Variants in SHANK2 observed in about 807,000 individuals in gnomAD.
SHANK2 encodes SH3 and multiple ankyrin repeat domains 2.
In SHANK2, 43 loss-of-function variants were observed where a neutral mutation model predicts 133.7. The observed-to-expected ratio is 0.32, with a 90% CI of 0.25 to 0.41. The LOEUF (loss-of-function observed/expected upper bound fraction) is 0.41, where lower values mean the gene tolerates loss of function less well. Ranked by LOEUF, SHANK2 falls within the 10% of genes least tolerant of loss-of-function variation. SHANK2 has a pLI of 1.00. For synonymous variants in SHANK2, 1,017 were observed against 952.8 expected, an observed-to-expected ratio of 1.07 and a Z score of -1.24; for missense variants, 1,994 against 2,235.8, an observed-to-expected ratio of 0.89 and a Z score of 2.18.
chr11:70,559,384 CAG>C (rs1240588308), intron 17 of SHANK2, among the ~76,000 whole-genome samples: 4 of 152,286 alleles, frequency 2.6e-5, no homozygotes, highest in East Asian at 1.9e-4. Context: ...AGAGAGCGTT[CAG>C]AGAGTTTCCA....
rs183054831 is a variant in SHANK2 at position 71,163,681 on chromosome 11, G to A, written c.-12-16343C>T. Among the ~76,000 whole-genome samples, 35 of 152,326 alleles carry A rather than the reference G, an allele frequency of 2.3e-4. No homozygotes were observed. The East Asian group carries it at 6.4e-3, about 28-fold the overall frequency. ...AATCCAAATTCAAGATTCTCCAGAC[G>A]ATTTTCAAAAGATAGTTTGCTTGTG... On this transcript the variant is annotated intron_variant, in intron 2 of 25. Coordinates refer to ENST00000601538, the MANE Select transcript of SHANK2 (RefSeq NM_012309.5).
At chr11:70,679,428 G>A (rs1272497178) in intron 15 of SHANK2, among the ~76,000 whole-genome samples, 10 of 152,236 alleles carry the variant, frequency 6.6e-5, no homozygotes. Context: ...CCATCAGGGA[G>A]GTGGGAGATC....
intron 9 of SHANK2, among the ~76,000 whole-genome samples, chr11:71,065,721 T>TGGC (rs1951045021): frequency 2.0e-5 from 1 of 49,816 alleles, no homozygotes; most frequent in African/African-American, 8.3e-5. Flanking sequence ...GTGGGGAAGT[T>TGGC]GGGGGTGGTA....
chr11:70,879,478 T>C (rs1249514514), intron 11 of SHANK2, among the ~76,000 whole-genome samples: 1 of 152,196 alleles, frequency 6.6e-6, no homozygotes, highest in African/African-American at 2.4e-5. Flanking sequence ...GGTTGTTATC[T>C]GTGGTGGCTT....
intron 11 of SHANK2, among the ~76,000 whole-genome samples, chr11:70,867,916 C>G (rs139038808): frequency 7.9e-5 from 12 of 152,344 alleles, no homozygotes; most frequent in African/African-American, 2.9e-4. Flanking sequence ...ACTTCATGTA[C>G]TGACAGTGTG....
chr11:70,575,522 A>AAAC (rs1462848116), intron 17 of SHANK2, among the ~76,000 whole-genome samples: 1 of 151,742 alleles, frequency 6.6e-6, no homozygotes, highest in African/African-American at 2.4e-5. Flanking sequence ...CTGCCTCAAA[A>AAAC]AAAAAAGAAA....
At chr11:70,840,376 C>T (rs1948884747) in intron 11 of SHANK2, among the ~76,000 whole-genome samples, 1 of 152,162 alleles carries the variant, frequency 6.6e-6, no homozygotes, top group African/African-American at 2.4e-5. Flanking sequence ...GCTGGGAGTC[C>T]CAGCTCCCTG....
intron 10 of SHANK2, chr11:70,952,922 G>A (rs546468270): frequency 3.5e-4 from 80 of 225,588 alleles, no homozygotes; most frequent in African/African-American, 1.5e-3. Context: ...AGCTGACCCC[G>A]AGGTGTCATC....
At chr11:71,081,510 A>T (rs1008435142) in intron 8 of SHANK2, among the ~76,000 whole-genome samples, 40 of 152,230 alleles carry the variant, frequency 2.6e-4, no homozygotes, top group Non-Finnish European at 4.9e-4. Flanking sequence ...GGTCTCTTAA[A>T]GATGTCACCT....
At chr11:71,098,998 G>A (rs1473136524) in intron 6 of SHANK2, among the ~76,000 whole-genome samples, 1 of 152,150 alleles carries the variant, frequency 6.6e-6, no homozygotes, top group East Asian at 1.9e-4. Context: ...CACACCAACA[G>A]GACGGGCCCT....
At chr11:70,939,617 C>A (rs903076878) in intron 10 of SHANK2, among the ~76,000 whole-genome samples, 8 of 152,198 alleles carry the variant, frequency 5.3e-5, no homozygotes, top group Admixed American at 1.3e-4. Flanking sequence ...AGCTCAACAA[C>A]TTTGGGATTT....
At chr11:70,947,267 CCAT>C (rs1221836014) in intron 10 of SHANK2, among the ~76,000 whole-genome samples, 1 of 151,678 alleles carries the variant, frequency 6.6e-6, no homozygotes, top group Non-Finnish European at 1.5e-5. Flanking sequence ...GACTAAGAAC[CCAT>C]CAACTTCCAG....
chr11:70,801,514 G>A (rs990737501), intron 13 of SHANK2, among the ~76,000 whole-genome samples: 2 of 152,210 alleles, frequency 1.3e-5, no homozygotes, highest in Non-Finnish European at 2.9e-5. Context: ...CTGCGTCCAG[G>A]TAGGAATGAG....
chr11:70,559,924 C>A (rs868969268), intron 17 of SHANK2, among the ~76,000 whole-genome samples: 3 of 151,976 alleles, frequency 2.0e-5, no homozygotes, highest in Admixed American at 6.6e-5. Context: ...CAGGCTGGAG[C>A]ACAGTGGCGT....
intron 17 of SHANK2, among the ~76,000 whole-genome samples, chr11:70,620,965 T>C (rs1554997575): frequency 6.6e-6 from 1 of 152,192 alleles, no homozygotes; most frequent in Non-Finnish European, 1.5e-5. Context: ...CCAAACTGAA[T>C]AAGACATGTG....
chr11:70,814,693 C>T (rs1418528133), intron 12 of SHANK2, among the ~76,000 whole-genome samples: 2 of 152,256 alleles, frequency 1.3e-5, no homozygotes, highest in Non-Finnish European at 2.9e-5. Flanking sequence ...GTGGGTGCCG[C>T]TCTTTCATGC....
chr11:70,554,622 C>T (rs1554979076), intron 17 of SHANK2, among the ~76,000 whole-genome samples: 1 of 151,976 alleles, frequency 6.6e-6, no homozygotes. Flanking sequence ...AATTAATGAA[C>T]CGATACTGAC....
chr11:70,723,254 T>C (rs1410964457), intron 14 of SHANK2, among the ~76,000 whole-genome samples: 3 of 151,966 alleles, frequency 2.0e-5, no homozygotes, highest in Admixed American at 6.6e-5. Context: ...ATTATAGGAT[T>C]ATACGATTAT....
intron 14 of SHANK2, among the ~76,000 whole-genome samples, chr11:70,740,959 G>T (rs1946510811): frequency 1.3e-5 from 2 of 152,120 alleles, no homozygotes; most frequent in South Asian, 4.1e-4. Flanking sequence ...GACTGAGACT[G>T]ATTTGATGGG....
Sources: gnomAD v4.1 joint callset for allele counts (sites outside exome capture counted in the v4.1 genomes callset) on GRCh38, gnomAD v4.1.1 for gene constraint, MANE v1.5 for transcripts, NCBI Gene and HGNC (gene_info 2026-07-23, HGNC 2026-07-21) for gene names.